METAP1: variants seen among roughly 807,000 people sequenced by gnomAD.
METAP1 encodes the protein methionyl aminopeptidase 1.
METAP1 carries 28 observed loss-of-function variants against 53.8 expected under a neutral mutation model. The ratio of observed to expected loss-of-function variants is 0.52; its 90% CI spans 0.39 to 0.71. The LOEUF is 0.71. Ranked by LOEUF, METAP1 falls within the 30% of genes least tolerant of loss-of-function variation. The pLI is 0.00. For missense variants in METAP1, 389 were observed against 479.8 expected (o/e 0.81, Z 1.77); for synonymous variants, 181 against 165.7 (o/e 1.09, Z -0.71).
intron 1 of METAP1, chr4:99,022,490 G>A (rs1044282582): frequency 1.2e-4 from 77 of 620,450 alleles, no homozygotes; most frequent in Non-Finnish European, 1.0e-4. Context: ...TCAGTAGGAC[G>A]TTGGGCAAAT....
chr4:99,031,319 A>T (rs1349718870), intron 2 of METAP1, among the ~76,000 whole-genome samples: 1 of 152,056 alleles, frequency 6.6e-6, no homozygotes, highest in African/African-American at 2.4e-5. Context: ...ACACTTTTTA[A>T]TGTATCGCTG....
At chr4:99,017,636 A>G (rs1723849564) in intron 1 of METAP1, among the ~76,000 whole-genome samples, 1 of 152,252 alleles carries the variant, frequency 6.6e-6, no homozygotes, top group African/African-American at 2.4e-5. Context: ...GGTTATAGTT[A>G]GATAATCTCT....
At chr4:99,021,454 C>T (rs1229205851) in intron 1 of METAP1, among the ~76,000 whole-genome samples, 3 of 152,134 alleles carry the variant, frequency 2.0e-5, no homozygotes, top group African/African-American at 7.2e-5. Context: ...TGCCTCCCCA[C>T]AAGAGAGGGC....
rs866494165 is a variant in METAP1 at position 99,009,642 on chromosome 4, A to G, written c.114+13775A>G. Among the ~76,000 whole-genome samples, 3 of 152,314 alleles carry G rather than the reference A, an allele frequency of 2.0e-5. No individual in the cohort carries two copies. In the South Asian group the frequency reaches 6.2e-4, roughly 32 times the overall value. ...ATTAGTGATGTTGAGCACGTTTCAT[A>G]TGCCTGTTGGCTAGTATATATCATC... On this transcript the variant is annotated intron_variant, in intron 1 of 10. Transcript: ENST00000296411.
intron 10 of METAP1, among the ~76,000 whole-genome samples, chr4:99,060,464 T>G (rs111294979): frequency 1.3e-5 from 2 of 149,050 alleles, no homozygotes; most frequent in African/African-American, 4.9e-5. Context: ...CCCAGGTTCA[T>G]GCCATTCTTC....
At chr4:99,034,090 G>C (rs1725257765) in intron 2 of METAP1, 140 bp from the exon 3 acceptor site, 1 of 591,964 alleles carries the variant, frequency 1.7e-6, no homozygotes, top group African/African-American at 1.9e-5. Flanking sequence ...AAAGTTTGGT[G>C]GATTTTTGTG....
At chr4:99,018,612 G>C (rs943809280) in intron 1 of METAP1, among the ~76,000 whole-genome samples, 1 of 152,172 alleles carries the variant, frequency 6.6e-6, no homozygotes, top group Admixed American at 6.5e-5. Flanking sequence ...GTAAACCATT[G>C]ATGACTTTAC....
At chr4:99,009,971 C>T (rs919531978) in intron 1 of METAP1, among the ~76,000 whole-genome samples, 1 of 152,186 alleles carries the variant, frequency 6.6e-6, no homozygotes, top group South Asian at 2.1e-4. Context: ...AGTATTTCCC[C>T]ATTTCCCTTA....
rs1027267858 is a variant in METAP1 at position 99,008,746 on chromosome 4, A to C, written c.114+12879A>C. 5.9e-5 allele frequency among the ~76,000 whole-genome samples: 9 copies of C among 152,176 alleles called. 1 individual carries two copies. Among genetic ancestry groups the C allele is most frequent in the Non-Finnish European group, 1.0e-4 (7 of 68,016 alleles). On this transcript the variant is annotated intron_variant, in intron 1 of 10. Transcript: ENST00000296411. ...TGGTGTGAGGATTAATTCTCTGCCTAATCAGTGCTTGGTATGTAGTAAAAT... is the reference window on the plus strand; with the variant it reads ...TGGTGTGAGGATTAATTCTCTGCCTCATCAGTGCTTGGTATGTAGTAAAAT...
intron 1 of METAP1, among the ~76,000 whole-genome samples, chr4:99,008,907 T>G (rs1723323907): frequency 6.6e-6 from 1 of 152,174 alleles, no homozygotes; most frequent in Non-Finnish European, 1.5e-5. Flanking sequence ...AACATTTAAT[T>G]TTACTGTCTT....
At chr4:99,039,212 A>G in intron 4 of METAP1, 162 bp from the exon 5 acceptor site, 1 of 457,888 alleles carries the variant, frequency 2.2e-6, no homozygotes, top group Admixed American at 4.1e-5. Flanking sequence ...TGATGTTGAA[A>G]ATGTTTTTTT....
chr4:99,052,633 C>T (rs1258818162), intron 9 of METAP1, among the ~76,000 whole-genome samples: 2 of 152,190 alleles, frequency 1.3e-5, no homozygotes, highest in Non-Finnish European at 2.9e-5. Flanking sequence ...AGGATCCAGT[C>T]ACTTTCCACC....
intron 1 of METAP1, among the ~76,000 whole-genome samples, chr4:99,019,505 T>G (rs1439855072): frequency 6.6e-6 from 1 of 152,196 alleles, no homozygotes; most frequent in Admixed American, 6.5e-5. Context: ...TTTTAGTTTC[T>G]CTTCATCTGC....
chr4:99,022,779 T>G, intron 1 of METAP1: 2 of 1,601,852 alleles, frequency 1.2e-6, no homozygotes, highest in Non-Finnish European at 1.7e-6. Flanking sequence ...GCCACACTCT[T>G]GGCTATGCGC....
Position 99,022,475 on chromosome 4 carries a change from C to G in METAP1, c.115-6392C>G, listed in dbSNP as rs150672835. On this transcript the variant is annotated intron_variant, in intron 1 of 10. Transcript: ENST00000296411. ...TGTGCTGCTTTCCGGGCCCTCAGTT[C>G]CTGCTCAGTAGGACGTTGGGCAAAT... 730 of 615,438 alleles carry G rather than the reference C, an allele frequency of 1.2e-3. 3 individuals carry two copies. The African/African-American group carries it at 0.012, about 10-fold the overall frequency. The allele number at this position is 615,438 out of a possible 1,614,324, so 38.1% of individuals were successfully genotyped here.
chr4:99,046,410 A>AG (rs1726237239), intron 8 of METAP1, among the ~76,000 whole-genome samples: 1 of 152,160 alleles, frequency 6.6e-6, no homozygotes, highest in Non-Finnish European at 1.5e-5. Context: ...AAAGAAGAAA[A>AG]GAAAAAAAAG....
rs192786922 is a variant in METAP1 at position 99,043,400 on chromosome 4, T to C, written c.655+13T>C. ...GACATTGTTAATGGTAAGAAAAATA[T>C]GTTACTTTCATCACCATGGGCAAAG... On this transcript the variant is annotated intron_variant, in intron 7 of 10. Transcript: ENST00000296411. 4.0e-5 allele frequency: 63 copies of C among 1,574,974 alleles called. No individual in the cohort carries two copies. In the East Asian group the frequency reaches 8.3e-4, roughly 21 times the overall value.
intron 1 of METAP1, among the ~76,000 whole-genome samples, chr4:99,024,056 G>C (rs1230200): frequency 6.6e-6 from 1 of 152,092 alleles, no homozygotes; most frequent in Non-Finnish European, 1.5e-5. Context: ...CCCACAGCCC[G>C]GCGCCACGCC....
chr4:99,018,827 C>T (rs1384620222), intron 1 of METAP1, among the ~76,000 whole-genome samples: 5 of 152,098 alleles, frequency 3.3e-5, no homozygotes, highest in Admixed American at 1.3e-4. Flanking sequence ...TAGTCCTACC[C>T]GGCCTTCCAG....
Sources: allele counts gnomAD v4.1 joint callset (sites outside exome capture counted in the v4.1 genomes callset), GRCh38; gene constraint gnomAD v4.1.1; transcripts MANE v1.5; gene names NCBI Gene and HGNC (gene_info 2026-07-23, HGNC 2026-07-21).